The following CAMTA1 variants were observed in gnomAD, a reference collection of about 807,000 sequenced individuals.
The protein encoded by CAMTA1 is calmodulin binding transcription activator 1, also known as calmodulin-binding transcription activator 1.
Under a neutral mutation model 170.9 loss-of-function variants are expected in CAMTA1, and 27 were observed. The observed-to-expected ratio is 0.16, with a 90% CI of 0.12 to 0.22. CAMTA1 has a LOEUF of 0.22. Ranked by LOEUF, CAMTA1 falls within the 10% of genes least tolerant of loss-of-function variation. The pLI is 1.00. For synonymous variants in CAMTA1, 833 were observed against 891.5 expected (o/e 0.93, Z 1.17); for missense variants, 1,619 against 2,217.2 (o/e 0.73, Z 5.42).
At chr1:7,000,425 G>T (rs1246324331) in intron 3 of CAMTA1, among the ~76,000 whole-genome samples, 1 of 152,214 alleles carries the variant, frequency 6.6e-6, no homozygotes, top group Non-Finnish European at 1.5e-5. Flanking sequence ...AGGGGAGTAG[G>T]TTTAAAATGG....
intron 5 of CAMTA1, among the ~76,000 whole-genome samples, chr1:7,326,573 A>G (rs2227212): frequency 0.91 from 138,393 of 152,294 alleles, 63,046 homozygotes; most frequent in East Asian, 0.97. Context: ...ACACAGAGGA[A>G]AAAACGTGAA....
intron 5 of CAMTA1, among the ~76,000 whole-genome samples, chr1:7,387,353 C>T (rs964571757): frequency 6.6e-6 from 1 of 152,162 alleles, no homozygotes; most frequent in African/African-American, 2.4e-5. Flanking sequence ...CAGGAGACCT[C>T]ACAATCCTAG....
intron 3 of CAMTA1, among the ~76,000 whole-genome samples, chr1:6,979,906 C>G (rs1455486661): frequency 6.6e-6 from 1 of 152,126 alleles, no homozygotes; most frequent in African/African-American, 2.4e-5. Context: ...GCTTTCCTGG[C>G]TCTCCACAGC....
At chr1:7,207,677 C>T (rs1205501664) in intron 4 of CAMTA1, among the ~76,000 whole-genome samples, 1 of 152,078 alleles carries the variant, frequency 6.6e-6, no homozygotes, top group Non-Finnish European at 1.5e-5. Context: ...ACTCAGGTGT[C>T]CTTCCCTTAT....
At chr1:7,075,991 A>C (rs1639253060) in intron 3 of CAMTA1, among the ~76,000 whole-genome samples, 1 of 152,162 alleles carries the variant, frequency 6.6e-6, no homozygotes. Context: ...ACCCTAACTT[A>C]GGTGCCTGGT....
rs115314590 is a variant in CAMTA1, at chr1:7,754,274, T to C, written c.4959-1364T>C. ...GATTTTGTTTTCAAGAAAATTACCTTAACACCACTCTTCTTTAGGCCACTT... is the reference window on the plus strand; with the variant it reads ...GATTTTGTTTTCAAGAAAATTACCTCAACACCACTCTTCTTTAGGCCACTT... On this transcript the variant is annotated intron_variant, in intron 21 of 22. Transcript: ENST00000303635. Among the ~76,000 whole-genome samples the C allele has an allele frequency of 5.6e-3, 851 of 152,330 alleles. 8 individuals are homozygous for C. The highest frequency in any genetic ancestry group is 0.02 in the African/African-American group (820 of 41,566).
At chr1:7,129,682 C>T (rs961787551) in intron 4 of CAMTA1, among the ~76,000 whole-genome samples, 2 of 152,112 alleles carry the variant, frequency 1.3e-5, no homozygotes, top group African/African-American at 4.8e-5. Context: ...TTAGAGTGTA[C>T]AATTTGATGA....
intron 3 of CAMTA1, among the ~76,000 whole-genome samples, chr1:6,987,617 C>T (rs1216117971): frequency 6.6e-6 from 1 of 152,190 alleles, no homozygotes; most frequent in Non-Finnish European, 1.5e-5. Flanking sequence ...GGAAGAAGTT[C>T]TGACCGGAAC....
chr1:6,967,926 T>C (rs1202706301), intron 3 of CAMTA1, among the ~76,000 whole-genome samples: 1 of 152,200 alleles, frequency 6.6e-6, no homozygotes, highest in Non-Finnish European at 1.5e-5. Flanking sequence ...TATGTAAATA[T>C]TTCTGAGGTC....
At chr1:7,704,677 C>T (rs2149549042) in intron 11 of CAMTA1, among the ~76,000 whole-genome samples, 1 of 148,384 alleles carries the variant, frequency 6.7e-6, no homozygotes, top group African/African-American at 2.4e-5. Flanking sequence ...GTGAGCTCAC[C>T]GCCGCGCCCC....
intron 3 of CAMTA1, among the ~76,000 whole-genome samples, chr1:6,981,359 C>T (rs1694409059): frequency 6.6e-6 from 1 of 152,166 alleles, no homozygotes. Context: ...AATCAATTTA[C>T]AGATTTTTAC....
At position 7,710,671 on chromosome 1, in the gene CAMTA1, G is replaced by T. The variant is rs78309903; in HGVS notation, c.2915-21777G>T. On this transcript the variant is annotated intron_variant, in intron 11 of 22. Coordinates refer to ENST00000303635, the MANE Select transcript of CAMTA1 (RefSeq NM_015215.4). ...CCAGAATTAGTGTTATCTTCAGCTA[G>T]AACTAGCTCTAGATGTACAATGATG... 8.6e-3 allele frequency among the ~76,000 whole-genome samples: 1,293 copies of T among 150,000 alleles called. 13 individuals carry two copies. Among genetic ancestry groups the T allele is most frequent in the African/African-American group, 0.029 (1,169 of 40,694 alleles).
intron 5 of CAMTA1, among the ~76,000 whole-genome samples, chr1:7,420,956 C>A (rs2091521855): frequency 6.6e-6 from 1 of 152,170 alleles, no homozygotes; most frequent in Admixed American, 6.5e-5. Flanking sequence ...CCACAGGCCA[C>A]ACACCAGTGG....
At chr1:6,796,398 A>G (rs1020279398) in intron 1 of CAMTA1, among the ~76,000 whole-genome samples, 1 of 152,156 alleles carries the variant, frequency 6.6e-6, no homozygotes, top group African/African-American at 2.4e-5. Context: ...TTGGCCTCCC[A>G]GAGTGCTGGG....
intron 22 of CAMTA1, among the ~76,000 whole-genome samples, chr1:7,766,140 ATAGT>A (rs2097022714): frequency 6.6e-6 from 1 of 152,206 alleles, no homozygotes; most frequent in Non-Finnish European, 1.5e-5. Context: ...AGTTATTTGA[ATAGT>A]TAAATTTTTA....
intron 5 of CAMTA1, among the ~76,000 whole-genome samples, chr1:7,379,243 CAT>C (rs2087088247): frequency 1.3e-5 from 2 of 152,322 alleles, no homozygotes; most frequent in African/African-American, 4.8e-5. Context: ...CCCTAGAGCA[CAT>C]GTGTTTTTCT....
Position 7,642,545 on chromosome 1 carries a change from G to A in CAMTA1, c.664+1992G>A, listed in dbSNP as rs747309806. ...CACCTCACTATGCAGGGCTGGCACC[G>A]GACACTGGGTCCTGCCTAGACCCCG... On this transcript the variant is annotated intron_variant, in intron 7 of 22. Coordinates refer to ENST00000303635, the MANE Select transcript of CAMTA1 (RefSeq NM_015215.4). This position sits in a 1 kb window ranked among gnomAD's most constrained non-coding sequence, Gnocchi z 6.3. Among the ~76,000 whole-genome samples the A allele has an allele frequency of 1.3e-5, 2 of 152,162 alleles. No individual in the cohort carries two copies. The highest frequency in any genetic ancestry group is 2.4e-5 in the African/African-American group (1 of 41,428).
chr1:7,255,104 A>G (rs1210333966), intron 5 of CAMTA1, among the ~76,000 whole-genome samples: 2 of 152,150 alleles, frequency 1.3e-5, no homozygotes, highest in Admixed American at 6.5e-5. Flanking sequence ...ACATGGGCAC[A>G]GGGAGGGGAA....
chr1:7,291,377 GA>G (rs1185580536), intron 5 of CAMTA1, among the ~76,000 whole-genome samples: 2 of 152,160 alleles, frequency 1.3e-5, no homozygotes, highest in African/African-American at 4.8e-5. Context: ...GTAGTTACGT[GA>G]AAACAGTGGG....
Sources: allele counts gnomAD v4.1 joint callset (sites outside exome capture counted in the v4.1 genomes callset), GRCh38; gene constraint gnomAD v4.1.1; non-coding constraint Gnocchi (gnomAD v3.1); transcripts MANE v1.5; gene names NCBI Gene and HGNC (gene_info 2026-07-23, HGNC 2026-07-21).